Variants in MSH4 observed in about 807,000 individuals in gnomAD.
The protein encoded by MSH4 is mutS protein homolog 4.
MSH4 carries 106 observed loss-of-function variants against 113.7 expected under a neutral mutation model. The observed-to-expected ratio is 0.93, with a 90% CI of 0.80 to 1.10. The LOEUF (loss-of-function observed/expected upper bound fraction) is 1.10, where lower values mean the gene tolerates loss of function less well. Ranked by LOEUF, MSH4 falls within the 50% of genes least tolerant of loss-of-function variation. The pLI, the probability that MSH4 is intolerant of heterozygous loss-of-function variation, is 0.00. For missense variants in MSH4, 1,061 were observed against 1,093.7 expected, an observed-to-expected ratio of 0.97 and a Z score of 0.42; for synonymous variants, 368 against 380.2, an observed-to-expected ratio of 0.97 and a Z score of 0.37.
chr1:75,865,419 A>G (rs1351942778), intron 8 of MSH4, among the ~76,000 whole-genome samples: 8 of 152,160 alleles, frequency 5.3e-5, no homozygotes, highest in East Asian at 3.9e-4. Flanking sequence ...TGATTGAATG[A>G]TAACATGGAG....
intron 9 of MSH4, among the ~76,000 whole-genome samples, chr1:75,871,914 T>G (rs1004833543): frequency 6.6e-6 from 1 of 152,228 alleles, no homozygotes; most frequent in African/African-American, 2.4e-5. Context: ...CATTTTTGCC[T>G]TGAAAAGTTT....
chr1:75,878,853 T>G, intron 11 of MSH4, 139 bp from the exon 12 acceptor site: 1 of 751,296 alleles, frequency 1.3e-6, no homozygotes, highest in Non-Finnish European at 2.1e-6. Flanking sequence ...TTATTAGAGT[T>G]TGAAAGAGCA....
intron 17 of MSH4, among the ~76,000 whole-genome samples, chr1:75,896,394 C>CACACACACACACACAT (rs571761055): frequency 0.01 from 1,494 of 147,246 alleles, 38 homozygotes; most frequent in Admixed American, 0.014. Flanking sequence ...CACACACACA[C>CACACACACACACACAT]CCTATTGGTC....
intron 16 of MSH4, among the ~76,000 whole-genome samples, chr1:75,889,609 C>G (rs1346261297): frequency 1.3e-5 from 2 of 152,066 alleles, no homozygotes; most frequent in Admixed American, 1.3e-4. Context: ...TAAAAGTGTG[C>G]CTAAATGTTT....
chr1:75,878,822 T>C (rs925622692), intron 11 of MSH4, among the ~76,000 whole-genome samples, 170 bp from the exon 12 acceptor site: 1 of 135,602 alleles, frequency 7.4e-6, no homozygotes, highest in Non-Finnish European at 1.7e-5. Context: ...GAGTGAGATC[T>C]GTCTTGAAAA....
chr1:75,883,806 A>G lies in MSH4; in HGVS notation c.2092A>G (p.Ile698Val), dbSNP rs775893301. 2 of 1,612,270 alleles carry G rather than the reference A, an allele frequency of 1.2e-6. No individual in the cohort carries two copies. The highest frequency in any genetic ancestry group is 1.7e-6 in the Non-Finnish European group (2 of 1,179,160). ...TTTAAAACAGATTGCTCTTTGTCAG[A>G]TTATGGCCCAGATTGGTAAGTTATG... ...TYLKQIALCQ[I>V]MAQIGSYVPA... Residue 698 changes from isoleucine (I) to valine (V), a missense_variant, in exon 15 of 20, where the codon ATT becomes GTT. Coordinates refer to ENST00000263187, the MANE Select transcript of MSH4 (RefSeq NM_002440.4).
chr1:75,848,073 A>C, intron 7 of MSH4, 136 bp from the exon 8 acceptor site: 2 of 536,168 alleles, frequency 3.7e-6, no homozygotes, highest in Non-Finnish European at 6.6e-6. Flanking sequence ...TACATGTAAG[A>C]TAGTTAAAGA....
At chr1:75,803,282 CTGTT>C (rs1649978748) in intron 1 of MSH4, among the ~76,000 whole-genome samples, 1 of 152,212 alleles carries the variant, frequency 6.6e-6, no homozygotes, top group East Asian at 1.9e-4. Context: ...TTGTTATAAT[CTGTT>C]TATTTTCAAA....
chr1:75,906,075 C>T (rs930763035), intron 19 of MSH4, among the ~76,000 whole-genome samples: 5 of 151,906 alleles, frequency 3.3e-5, no homozygotes, highest in Admixed American at 2.0e-4. Flanking sequence ...ACTGCAACCT[C>T]CACCTCCCAG....
chr1:75,912,822 C>T lies in MSH4; in HGVS notation c.2746C>T (p.Leu916Phe), dbSNP rs201177843. Residue 916 changes from leucine to phenylalanine, a missense_variant, in exon 20 of 20, where the codon CTC (leucine) becomes TTC (phenylalanine). Physicochemically the swap from Leu to Phe is conservative, Grantham distance 22 (BLOSUM62 0). Coordinates refer to ENST00000263187, the MANE Select transcript of MSH4 (RefSeq NM_002440.4). The stretch of plus-strand genomic sequence containing the variant: ...CAGTTTACGAATATATTTAAGTAAC[C>T]TCAAGAAGAAGTACAAAGAAGATTT... ...PDSLRIYLSN[L>F]KKKYKEDFPR... The T allele has an allele frequency of 6.3e-7, 1 of 1,584,364 alleles. No homozygotes were observed. Among genetic ancestry groups the T allele is most frequent in the Admixed American group, 1.8e-5 (1 of 55,580 alleles).
intron 4 of MSH4, 115 bp from the exon 5 acceptor site, chr1:75,814,906 T>G (rs1650264273): frequency 1.6e-6 from 1 of 634,732 alleles, no homozygotes; most frequent in Admixed American, 3.4e-5. Context: ...CTTATTTAAA[T>G]GTTGAAATTT....
chr1:75,814,580 A>C (rs1259888901), intron 4 of MSH4, among the ~76,000 whole-genome samples: 1 of 152,156 alleles, frequency 6.6e-6, no homozygotes, highest in Non-Finnish European at 1.5e-5. Context: ...CATTATAAGA[A>C]TCTACCCTTT....
At chr1:75,871,127 G>A (rs1028869985) in intron 9 of MSH4, among the ~76,000 whole-genome samples, 1 of 152,092 alleles carries the variant, frequency 6.6e-6, no homozygotes, top group South Asian at 2.1e-4. Flanking sequence ...GGGGAAACAA[G>A]GCACCTTTGT....
chr1:75,886,540 T>C (rs1273987363), intron 15 of MSH4, among the ~76,000 whole-genome samples: 1 of 107,888 alleles, frequency 9.3e-6, no homozygotes, highest in East Asian at 3.1e-4. Context: ...TATATATTAT[T>C]ATCTATTATA....
At chr1:75,829,005 C>T (rs948042993) in intron 7 of MSH4, among the ~76,000 whole-genome samples, 3 of 152,150 alleles carry the variant, frequency 2.0e-5, no homozygotes, top group Non-Finnish European at 2.9e-5. Context: ...ACCTGGGAAG[C>T]ACAAGGGTTC....
chr1:75,907,423 C>T (rs1382305898), intron 19 of MSH4, among the ~76,000 whole-genome samples: 1 of 151,682 alleles, frequency 6.6e-6, no homozygotes, highest in Non-Finnish European at 1.5e-5. Context: ...TCTCTTGCTG[C>T]TTTTAGGATT....
At chr1:75,885,049 G>GTATATATATATA (rs1431311570) in intron 15 of MSH4, among the ~76,000 whole-genome samples, 2 of 109,074 alleles carry the variant, frequency 1.8e-5, no homozygotes, top group African/African-American at 9.2e-5. Flanking sequence ...GTGTGTGTGT[G>GTATATATATATA]TGTGTGTGTG....
Position 75,889,251 on chromosome 1 carries a change from GATC to G in MSH4, c.2111_2113del (p.Ser704del), listed in dbSNP as rs1441638967. 7.6e-7 allele frequency: 1 copy of G among 1,319,030 alleles called. No homozygotes were observed. Among genetic ancestry groups the G allele is most frequent in the Non-Finnish European group, 1.1e-6 (1 of 927,650 alleles). The allele number at this position is 1,319,030 out of a possible 1,614,324, so 81.7% of individuals were successfully genotyped here. A position where few individuals can be genotyped will look rare whatever the true frequency, so the allele number is the denominator to read the frequency against. ...TTTATCTTGACCTTATATTTTACAG[GATC>G]ATATGTTCCAGCAGAATATTCTTCC... On this transcript the variant is annotated inframe_deletion and splice_region_variant, in exon 16 of 20. Coordinates refer to ENST00000263187, the MANE Select transcript of MSH4 (RefSeq NM_002440.4).
chr1:75,836,498 TA>T (rs1295737086), intron 7 of MSH4, among the ~76,000 whole-genome samples: 1 of 152,032 alleles, frequency 6.6e-6, no homozygotes, highest in Non-Finnish European at 1.5e-5. Context: ...GGGATTTCAC[TA>T]TGTTGCCCAG....
Sources: gnomAD v4.1 joint callset for allele counts (sites outside exome capture counted in the v4.1 genomes callset) on GRCh38, gnomAD v4.1.1 for gene constraint, MANE v1.5 for transcripts, NCBI Gene and HGNC (gene_info 2026-07-23, HGNC 2026-07-21) for gene names.